DNM3: variants seen among roughly 807,000 people sequenced by gnomAD.
The protein encoded by DNM3 is dynamin 3.
In DNM3, 47 loss-of-function variants were observed where a neutral mutation model predicts 101.6. The ratio of observed to expected loss-of-function variants is 0.46; its 90% CI spans 0.37 to 0.59. The LOEUF is 0.59. Among genes scored for constraint, DNM3 ranks in the 20% least tolerant of loss-of-function variants. DNM3 has a pLI of 0.00. For missense variants in DNM3, 849 were observed against 1,085.7 expected (o/e 0.78, Z 3.06); for synonymous variants, 385 against 387.9 (o/e 0.99, Z 0.09).
At chr1:171,864,452 G>C (rs1321276072) in intron 1 of DNM3, 4 of 152,350 alleles carry the variant, frequency 2.6e-5, no homozygotes, top group Middle Eastern at 3.4e-3. Context: ...GACAAGACCT[G>C]GTAACTGGTT....
chr1:171,937,963 C>G (rs1445032724), intron 2 of DNM3, among the ~76,000 whole-genome samples: 6 of 152,120 alleles, frequency 3.9e-5, no homozygotes. Context: ...ACACTCTCAA[C>G]AGTTTCATCA....
At chr1:172,107,629 C>T (rs1315992187) in intron 13 of DNM3, among the ~76,000 whole-genome samples, 1 of 152,136 alleles carries the variant, frequency 6.6e-6, no homozygotes, top group Non-Finnish European at 1.5e-5. Flanking sequence ...ATATTGCAGA[C>T]CAGAATGTTC....
chr1:171,935,046 G>C (rs2041302424), intron 2 of DNM3, among the ~76,000 whole-genome samples: 1 of 152,080 alleles, frequency 6.6e-6, no homozygotes, highest in African/African-American at 2.4e-5. Context: ...GTATCTGTAT[G>C]ATACTGCTAA....
chr1:172,225,263 C>T (rs1312184828), intron 14 of DNM3, among the ~76,000 whole-genome samples: 12 of 151,298 alleles, frequency 7.9e-5, no homozygotes, highest in African/African-American at 2.2e-4. Flanking sequence ...CTCAGCCTCC[C>T]GAGTAGCTGG....
intron 14 of DNM3, among the ~76,000 whole-genome samples, chr1:172,223,785 G>T (rs767860932): frequency 6.6e-6 from 1 of 152,024 alleles, no homozygotes; most frequent in Non-Finnish European, 1.5e-5. Context: ...TAAGAGCTTC[G>T]TACTTGTTCT....
At chr1:172,213,009 A>G (rs993775909) in intron 14 of DNM3, among the ~76,000 whole-genome samples, 2 of 152,168 alleles carry the variant, frequency 1.3e-5, no homozygotes, top group Non-Finnish European at 1.5e-5. Flanking sequence ...TAAGTTGCCC[A>G]GGTCAAAGAG....
At chr1:172,057,642 G>A (rs886101561) in intron 10 of DNM3, among the ~76,000 whole-genome samples, 6 of 151,706 alleles carry the variant, frequency 4.0e-5, no homozygotes, top group African/African-American at 1.5e-4. Context: ...ACAAGCAAAT[G>A]CTGAGAGATT....
At chr1:171,895,323 GC>G (rs1265656547) in intron 1 of DNM3, among the ~76,000 whole-genome samples, 1 of 152,146 alleles carries the variant, frequency 6.6e-6, no homozygotes, top group African/African-American at 2.4e-5. Context: ...TTTAATGATT[GC>G]CATTCTAACT....
chr1:172,172,370 C>T (rs2058994029), intron 14 of DNM3, among the ~76,000 whole-genome samples: 1 of 151,592 alleles, frequency 6.6e-6, no homozygotes, highest in African/African-American at 2.4e-5. Context: ...CATCTGATAA[C>T]CGAGACAGCT....
chr1:172,202,315 C>T (rs1269649553), intron 14 of DNM3, among the ~76,000 whole-genome samples: 1 of 152,138 alleles, frequency 6.6e-6, no homozygotes, highest in East Asian at 1.9e-4. Context: ...TGGTGCAATT[C>T]ATCTGTGAAA....
intron 2 of DNM3, among the ~76,000 whole-genome samples, chr1:171,941,048 T>A (rs561594317): frequency 1.3e-5 from 2 of 152,304 alleles, no homozygotes; most frequent in Admixed American, 6.5e-5. Context: ...GCTATTGAGA[T>A]CATTAAACTT....
At chr1:172,231,248 C>G (rs1256109890) in intron 14 of DNM3, among the ~76,000 whole-genome samples, 1 of 151,968 alleles carries the variant, frequency 6.6e-6, no homozygotes, top group African/African-American at 2.4e-5. Flanking sequence ...GGCCTGGTAC[C>G]CCTCTGAGAC....
intron 15 of DNM3, among the ~76,000 whole-genome samples, chr1:172,300,736 G>A (rs985212455): frequency 6.6e-6 from 1 of 152,200 alleles, no homozygotes; most frequent in African/African-American, 2.4e-5. Context: ...GAGGCCATGG[G>A]ATTCTGGGAG....
chr1:172,018,728 C>T (rs768368820), intron 4 of DNM3, among the ~76,000 whole-genome samples: 1 of 152,066 alleles, frequency 6.6e-6, no homozygotes, highest in South Asian at 2.1e-4. Context: ...TACATTGTTG[C>T]TATTATTTTG....
At chr1:171,975,171 TA>T (rs1252570057) in intron 2 of DNM3, among the ~76,000 whole-genome samples, 1 of 152,148 alleles carries the variant, frequency 6.6e-6, no homozygotes, top group Non-Finnish European at 1.5e-5. Context: ...TTTTGCTTTT[TA>T]AAAAACTTTC....
At chr1:172,166,755 T>C (rs1419884652) in intron 14 of DNM3, among the ~76,000 whole-genome samples, 1 of 151,966 alleles carries the variant, frequency 6.6e-6, no homozygotes, top group Non-Finnish European at 1.5e-5. Flanking sequence ...TCAAAGCTGC[T>C]AAAAAATAGA....
chr1:172,119,480 C>G (rs147321380), intron 13 of DNM3, among the ~76,000 whole-genome samples: 3 of 152,144 alleles, frequency 2.0e-5, no homozygotes, highest in Admixed American at 6.6e-5. Context: ...TCTCTGTTCT[C>G]TCTCTCTTCT....
At chr1:172,356,845 A>T (rs1269223701) in intron 17 of DNM3, among the ~76,000 whole-genome samples, 2 of 152,036 alleles carry the variant, frequency 1.3e-5, no homozygotes, top group African/African-American at 4.8e-5. Context: ...GAGAAATTCC[A>T]GGACTGGGGC....
At chr1:171,899,801 T>C (rs2038140311) in intron 1 of DNM3, among the ~76,000 whole-genome samples, 1 of 152,148 alleles carries the variant, frequency 6.6e-6, no homozygotes, top group Admixed American at 6.5e-5. Context: ...AGACAAAACA[T>C]ATATAGTGGG....
Sources: allele counts gnomAD v4.1 joint callset (sites outside exome capture counted in the v4.1 genomes callset), GRCh38; gene constraint gnomAD v4.1.1; transcripts MANE v1.5; gene names NCBI Gene and HGNC (gene_info 2026-07-23, HGNC 2026-07-21).